Variants in OTUD7A observed in about 807,000 individuals in gnomAD.
OTUD7A encodes OTU domain-containing protein 7A.
In OTUD7A, 12 loss-of-function variants were observed where a neutral mutation model predicts 65.7. The observed-to-expected ratio is 0.18, with a 90% CI of 0.12 to 0.30. OTUD7A has a LOEUF of 0.30. Among genes scored for constraint, OTUD7A ranks in the 10% least tolerant of loss-of-function variants. OTUD7A has a pLI of 1.00. For missense variants in OTUD7A, 1,148 were observed against 1,304.8 expected (o/e 0.88, Z 1.85); for synonymous variants, 641 against 586.3 (o/e 1.09, Z -1.35).
intron 3 of OTUD7A, among the ~76,000 whole-genome samples, chr15:31,631,154 C>T (rs1446846408): frequency 2.0e-5 from 3 of 152,122 alleles, no homozygotes; most frequent in Admixed American, 1.3e-4. Context: ...TTATTTTGAT[C>T]GTTAGTTGAT....
chr15:31,776,520 GTCCTAATAAGGTTCACCTT>G (rs1895385090), intron 1 of OTUD7A, among the ~76,000 whole-genome samples: 1 of 152,172 alleles, frequency 6.6e-6, no homozygotes, highest in African/African-American at 2.4e-5. Context: ...CAGCTGCCCT[GTCCTAATAAGGTTCACCTT>G]TCCTTGCATT....
At chr15:31,762,916 C>G (rs938874461) in intron 1 of OTUD7A, among the ~76,000 whole-genome samples, 3 of 152,038 alleles carry the variant, frequency 2.0e-5, no homozygotes, top group South Asian at 2.1e-4. Flanking sequence ...TCCGAGACGA[C>G]AAAAATATTG....
At chr15:31,658,816 T>C (rs879373741) in intron 1 of OTUD7A, among the ~76,000 whole-genome samples, 3 of 149,614 alleles carry the variant, frequency 2.0e-5, no homozygotes, top group Admixed American at 6.7e-5. Context: ...TCACCTGAGG[T>C]CTGGAGTTCA....
intron 3 of OTUD7A, among the ~76,000 whole-genome samples, chr15:31,619,834 C>T (rs1201768441): frequency 6.6e-6 from 1 of 152,190 alleles, no homozygotes; most frequent in Non-Finnish European, 1.5e-5. Context: ...GAGGGCATCC[C>T]TGTCTGTGCC....
chr15:31,525,775 G>A (rs529237251), intron 8 of OTUD7A, among the ~76,000 whole-genome samples: 5 of 152,366 alleles, frequency 3.3e-5, no homozygotes, highest in South Asian at 2.1e-4. Flanking sequence ...CATCCAAGGT[G>A]TTTCTGTAGG....
intron 1 of OTUD7A, among the ~76,000 whole-genome samples, chr15:31,714,341 T>C (rs1451868922): frequency 6.6e-6 from 1 of 152,152 alleles, no homozygotes. Context: ...GCAAACATTA[T>C]TTCATTCCAT....
intron 1 of OTUD7A, among the ~76,000 whole-genome samples, chr15:31,714,297 C>T (rs1893526333): frequency 6.6e-6 from 1 of 152,104 alleles, no homozygotes; most frequent in African/African-American, 2.4e-5. Context: ...ACATGAATAG[C>T]GTAGTATGAA....
intron 1 of OTUD7A, among the ~76,000 whole-genome samples, chr15:31,786,313 A>G (rs1461846605): frequency 6.6e-6 from 1 of 152,272 alleles, no homozygotes; most frequent in East Asian, 1.9e-4. Flanking sequence ...AGCTACTATT[A>G]TTATTTATAA....
intron 3 of OTUD7A, among the ~76,000 whole-genome samples, chr15:31,617,820 G>A (rs1302283409): frequency 6.6e-6 from 1 of 151,826 alleles, no homozygotes; most frequent in African/African-American, 2.4e-5. Flanking sequence ...GGGTACATGT[G>A]CACAACATGC....
chr15:31,702,869 A>T (rs1421302208), intron 1 of OTUD7A, among the ~76,000 whole-genome samples: 2 of 151,806 alleles, frequency 1.3e-5, no homozygotes, highest in African/African-American at 4.8e-5. Flanking sequence ...TGACTACAGT[A>T]ATGAAGACTG....
intron 1 of OTUD7A, among the ~76,000 whole-genome samples, chr15:31,659,030 AATGAATG>A: frequency 9.0e-6 from 1 of 110,518 alleles, no homozygotes; most frequent in African/African-American, 4.2e-5. Flanking sequence ...TGAATGAATG[AATGAATG>A]AATGAATAAA....
chr15:31,592,953 A>G (rs1413959583), intron 3 of OTUD7A, among the ~76,000 whole-genome samples: 1 of 105,778 alleles, frequency 9.5e-6, no homozygotes, highest in Non-Finnish European at 1.7e-5. Context: ...ATACACGTGT[A>G]TATATATATG....
At chr15:31,674,040 C>T (rs1447186196) in intron 1 of OTUD7A, among the ~76,000 whole-genome samples, 1 of 152,192 alleles carries the variant, frequency 6.6e-6, no homozygotes, top group Non-Finnish European at 1.5e-5. Context: ...TGAAAATACC[C>T]AAAATTCCAC....
At chr15:31,845,232 G>A (rs533038275) in intron 1 of OTUD7A, among the ~76,000 whole-genome samples, 2 of 152,220 alleles carry the variant, frequency 1.3e-5, no homozygotes, top group South Asian at 2.1e-4. Flanking sequence ...TGCGCTAGGC[G>A]ACATAAACCT....
chr15:31,788,058 A>G (rs1488760694), intron 1 of OTUD7A, among the ~76,000 whole-genome samples: 2 of 152,226 alleles, frequency 1.3e-5, no homozygotes, highest in Admixed American at 6.5e-5. Context: ...CATGGCACTC[A>G]ATAATTAATT....
At chr15:31,532,344 T>C (rs1887650693) in intron 5 of OTUD7A, among the ~76,000 whole-genome samples, 1 of 151,844 alleles carries the variant, frequency 6.6e-6, no homozygotes, top group Non-Finnish European at 1.5e-5. Context: ...CAATAGAAGA[T>C]ACAAAACAGA....
chr15:31,758,505 C>A (rs1408540420), intron 1 of OTUD7A, among the ~76,000 whole-genome samples: 1 of 152,208 alleles, frequency 6.6e-6, no homozygotes, highest in Non-Finnish European at 1.5e-5. Flanking sequence ...TTACAAGCAT[C>A]CCACATCAGT....
At chr15:31,682,056 CCA>C (rs1892730195) in intron 1 of OTUD7A, among the ~76,000 whole-genome samples, 1 of 152,096 alleles carries the variant, frequency 6.6e-6, no homozygotes, top group Admixed American at 6.5e-5. Flanking sequence ...CATCTGAAAA[CCA>C]CAGAGGACTG....
intron 1 of OTUD7A, among the ~76,000 whole-genome samples, chr15:31,763,231 A>G (rs1895017073): frequency 6.6e-6 from 1 of 152,090 alleles, no homozygotes; most frequent in South Asian, 2.1e-4. Context: ...TTCAGTGAGC[A>G]GAGATCGTGC....
Sources: gnomAD v4.1 joint callset for allele counts (sites outside exome capture counted in the v4.1 genomes callset) on GRCh38, gnomAD v4.1.1 for gene constraint, MANE v1.5 for transcripts, NCBI Gene and HGNC (gene_info 2026-07-23, HGNC 2026-07-21) for gene names.